The following CSMD1 variants were observed in gnomAD, a reference collection of about 807,000 sequenced individuals.
CSMD1 encodes the protein CUB and Sushi multiple domains 1, also known as CUB and sushi domain-containing protein 1.
In CSMD1, 213 loss-of-function variants were observed where a neutral mutation model predicts 417.5. That is an observed-to-expected ratio of 0.51 (90% CI 0.46 to 0.57). The LOEUF (loss-of-function observed/expected upper bound fraction) is 0.57. Ranked by LOEUF, CSMD1 falls within the 20% of genes least tolerant of loss-of-function variation. The pLI is 0.00. For synonymous variants in CSMD1, 2,862 were observed against 1,736.8 expected (o/e 1.65, Z -16.11); for missense variants, 6,923 against 4,529.7 (o/e 1.53, Z -15.17).
chr8:4,082,126 T>G (rs933097561), intron 3 of CSMD1, among the ~76,000 whole-genome samples: 4 of 152,104 alleles, frequency 2.6e-5, no homozygotes, highest in African/African-American at 9.7e-5. Context: ...TTAACTACAT[T>G]AGGAATAAAA....
intron 41 of CSMD1, among the ~76,000 whole-genome samples, chr8:3,126,066 A>T (rs1817493632): frequency 6.6e-6 from 1 of 152,300 alleles, no homozygotes; most frequent in Non-Finnish European, 1.5e-5. Flanking sequence ...GTAGTTTTGC[A>T]AAATAGGTGA....
intron 3 of CSMD1, among the ~76,000 whole-genome samples, chr8:4,321,424 T>G (rs1799269808): frequency 6.6e-6 from 1 of 152,124 alleles, no homozygotes; most frequent in Non-Finnish European, 1.5e-5. Flanking sequence ...TGCTCCCACT[T>G]ATTGACTTGT....
intron 3 of CSMD1, among the ~76,000 whole-genome samples, chr8:4,383,336 G>T (rs780159339): frequency 6.6e-6 from 1 of 152,138 alleles, no homozygotes. Context: ...AGTCAAAGAA[G>T]ATTTTATGAT....
chr8:4,804,350 A>G (rs1798470649), intron 1 of CSMD1, among the ~76,000 whole-genome samples: 2 of 152,232 alleles, frequency 1.3e-5, no homozygotes, highest in Non-Finnish European at 2.9e-5. Flanking sequence ...AATTTTAAAT[A>G]TAATAGAGAA....
rs761554336 is a variant in CSMD1 at position 4,031,959 on chromosome 8, T to C, written c.556A>G (p.Ile186Val). ...GATGCACCATTTCCTGGGCTGACGA[T>C]GCAGGTCAGGATGGCGTGGCCTTCC... is the stretch of plus-strand genomic sequence containing the variant. The part of the protein sequence containing the change: ...ILEGHAILTC[I>V]VSPGNGASWD... Residue 186 changes from isoleucine to valine, a missense_variant, in exon 4 of 70, where the codon ATC becomes GTC. Ile to Val is a conservative substitution (Grantham distance 29). Coordinates refer to ENST00000635120, the MANE Select transcript of CSMD1 (RefSeq NM_033225.6). 9.9e-6 allele frequency: 16 copies of C among 1,613,812 alleles called. No individual in the cohort carries two copies. The highest frequency in any genetic ancestry group is 1.3e-5 in the Non-Finnish European group (15 of 1,179,866).
At chr8:4,019,914 TA>T (rs144493389) in intron 4 of CSMD1, among the ~76,000 whole-genome samples, 30,499 of 143,942 alleles carry the variant, frequency 0.21, 3,597 homozygotes, top group African/African-American at 0.33. Flanking sequence ...AGTAATTCAT[TA>T]AAAAAAAAAA....
chr8:3,937,813 T>C (rs1324180846), intron 5 of CSMD1, among the ~76,000 whole-genome samples: 1 of 152,276 alleles, frequency 6.6e-6, no homozygotes, highest in African/African-American at 2.4e-5. Flanking sequence ...CAATTACTGC[T>C]TACACAGGAA....
chr8:3,937,515 T>A (rs181789458), intron 5 of CSMD1, among the ~76,000 whole-genome samples: 1 of 152,228 alleles, frequency 6.6e-6, no homozygotes, highest in Non-Finnish European at 1.5e-5. Flanking sequence ...AAGGTTTAGA[T>A]GATTGTACAT....
chr8:3,672,725 C>A (rs2117545926), intron 7 of CSMD1, among the ~76,000 whole-genome samples: 1 of 152,222 alleles, frequency 6.6e-6, no homozygotes, highest in Middle Eastern at 3.4e-3. Context: ...TGAAATTGGC[C>A]ATGGTGGATG....
intron 3 of CSMD1, among the ~76,000 whole-genome samples, chr8:4,186,675 T>G (rs1221932870): frequency 6.6e-6 from 1 of 152,070 alleles, no homozygotes; most frequent in Non-Finnish European, 1.5e-5. Flanking sequence ...TCAGTATATT[T>G]GTTTTCTATT....
At chr8:3,259,628 G>C (rs755215664) in intron 26 of CSMD1, among the ~76,000 whole-genome samples, 1 of 151,994 alleles carries the variant, frequency 6.6e-6, no homozygotes, top group Non-Finnish European at 1.5e-5. Context: ...ATTCCTCCTC[G>C]AGATTTTAAT....
At chr8:4,582,795 G>A (rs986746260) in intron 2 of CSMD1, among the ~76,000 whole-genome samples, 1 of 152,208 alleles carries the variant, frequency 6.6e-6, no homozygotes, top group Non-Finnish European at 1.5e-5. Context: ...CAAGGCCGGA[G>A]CCCACTCCCT....
intron 54 of CSMD1, among the ~76,000 whole-genome samples, chr8:2,991,673 C>T (rs191082119): frequency 7.2e-5 from 11 of 151,952 alleles, no homozygotes; most frequent in South Asian, 2.1e-4. Context: ...AGCAAAAATG[C>T]GAGTGAATAT....
chr8:4,354,856 G>A (rs1801308231), intron 3 of CSMD1, among the ~76,000 whole-genome samples: 1 of 142,144 alleles, frequency 7.0e-6, no homozygotes, highest in African/African-American at 2.6e-5. Context: ...AGGTAAATGA[G>A]GAAAATGTAG....
At chr8:4,119,520 G>T (rs1802356733) in intron 3 of CSMD1, among the ~76,000 whole-genome samples, 1 of 152,166 alleles carries the variant, frequency 6.6e-6, no homozygotes, top group African/African-American at 2.4e-5. Flanking sequence ...TGTAGGTGGG[G>T]TGCTTGGGAA....
At chr8:3,717,927 C>T (rs1458829115) in intron 6 of CSMD1, among the ~76,000 whole-genome samples, 2 of 152,126 alleles carry the variant, frequency 1.3e-5, no homozygotes, top group Non-Finnish European at 2.9e-5. Context: ...ATTCTTTAGT[C>T]AAGGCTGTTA....
At chr8:2,998,442 A>G (rs1235584803) in intron 53 of CSMD1, among the ~76,000 whole-genome samples, 1 of 152,212 alleles carries the variant, frequency 6.6e-6, no homozygotes, top group African/African-American at 2.4e-5. Context: ...CATCATAATT[A>G]TTATTTCTCT....
At chr8:4,264,583 G>A (rs914282629) in intron 3 of CSMD1, among the ~76,000 whole-genome samples, 2 of 152,100 alleles carry the variant, frequency 1.3e-5, no homozygotes, top group South Asian at 2.1e-4. Flanking sequence ...ATGGAAGACT[G>A]GTTCCTCGGC....
chr8:3,861,744 C>G (rs918174614), intron 5 of CSMD1, among the ~76,000 whole-genome samples: 69 of 152,158 alleles, frequency 4.5e-4, no homozygotes, highest in Middle Eastern at 3.4e-3. Context: ...AAGATTTTAC[C>G]AAAAGAAATA....
Sources: gnomAD v4.1 joint callset for allele counts (sites outside exome capture counted in the v4.1 genomes callset) on GRCh38, gnomAD v4.1.1 for gene constraint, MANE v1.5 for transcripts, NCBI Gene and HGNC (gene_info 2026-07-23, HGNC 2026-07-21) for gene names.